Variants in CNOT6 observed in about 807,000 individuals in gnomAD.
The protein encoded by CNOT6 is carbon catabolite repression 4 protein.
In CNOT6, 12 loss-of-function variants were observed where a neutral mutation model predicts 61.2. The ratio of observed to expected loss-of-function variants is 0.20; its 90% CI spans 0.13 to 0.32. The LOEUF (loss-of-function observed/expected upper bound fraction) is 0.32, where lower values mean the gene tolerates loss of function less well. Among genes scored for constraint, CNOT6 ranks in the 10% least tolerant of loss-of-function variants. CNOT6 has a pLI of 1.00. For synonymous variants in CNOT6, 225 were observed against 240.6 expected (o/e 0.94, Z 0.60); for missense variants, 405 against 663.9 (o/e 0.61, Z 4.28).
At position 180,533,311 on chromosome 5, in the gene CNOT6, C is replaced by CATATATATATATATATAT. The variant is rs1305701783; in HGVS notation, c.112+3923_112+3924insATATATATATATATATAT. On this transcript the variant is annotated intron_variant, in intron 2 of 11. Coordinates refer to ENST00000261951, the MANE Select transcript of CNOT6 (RefSeq NM_001370472.1). ...AGGAACCAGGAACCATGGATGAAAA[C>CATATATATATATATATAT]CTATATATATATATATATATATATA... is the stretch of plus-strand genomic sequence containing the variant. Among the ~76,000 whole-genome samples the CATATATATATATATATAT allele has an allele frequency of 1.2e-3, 75 of 65,172 alleles. 2 individuals are homozygous for CATATATATATATATATAT. Among genetic ancestry groups the CATATATATATATATATAT allele is most frequent in the Non-Finnish European group, 1.8e-3 (55 of 30,058 alleles). 42.8% of individuals were successfully genotyped at this position (65,172 alleles called of 152,430 possible).
intron 1 of CNOT6, among the ~76,000 whole-genome samples, chr5:180,517,822 G>A (rs1206262133): frequency 1.3e-5 from 2 of 152,218 alleles, no homozygotes; most frequent in African/African-American, 4.8e-5. Flanking sequence ...GATTACAGGC[G>A]TGAGCTACTG....
intron 2 of CNOT6, among the ~76,000 whole-genome samples, chr5:180,537,499 GT>G (rs893532800): frequency 3.4e-5 from 5 of 149,140 alleles, no homozygotes; most frequent in Admixed American, 6.7e-5. Context: ...AGTTTTAAGA[GT>G]TTTTTTTTTA....
At chr5:180,520,815 A>C (rs916308724) in intron 1 of CNOT6, among the ~76,000 whole-genome samples, 4 of 151,664 alleles carry the variant, frequency 2.6e-5, no homozygotes, top group Non-Finnish European at 4.4e-5. Flanking sequence ...TGTGTTTAAC[A>C]TTCCATCTTT....
chr5:180,536,291 G>A (rs1410867684), intron 2 of CNOT6, among the ~76,000 whole-genome samples: 1 of 152,010 alleles, frequency 6.6e-6, no homozygotes, highest in African/African-American at 2.4e-5. Context: ...GAGCCACCGT[G>A]CCTGGCCTAG....
At chr5:180,525,357 C>T (rs531463835) in intron 1 of CNOT6, among the ~76,000 whole-genome samples, 3 of 151,766 alleles carry the variant, frequency 2.0e-5, no homozygotes, top group Admixed American at 1.3e-4. Flanking sequence ...GGCAACATGG[C>T]GAAAACCAAT....
chr5:180,530,977 A>G (rs566595362), intron 2 of CNOT6, among the ~76,000 whole-genome samples: 2 of 152,354 alleles, frequency 1.3e-5, no homozygotes, highest in Non-Finnish European at 2.9e-5. Flanking sequence ...TTCTACACAG[A>G]CACAGTAACA....
intron 1 of CNOT6, among the ~76,000 whole-genome samples, chr5:180,528,031 G>A (rs918977852): frequency 1.3e-5 from 2 of 152,030 alleles, no homozygotes; most frequent in Non-Finnish European, 2.9e-5. Flanking sequence ...GTGGAAAATT[G>A]TCTTCCACGA....
chr5:180,552,611 A>G (rs146220320), intron 3 of CNOT6, among the ~76,000 whole-genome samples: 1 of 150,428 alleles, frequency 6.6e-6, no homozygotes, highest in East Asian at 2.0e-4. Flanking sequence ...GCATCACTGC[A>G]CTCCAGCCTG....
intron 2 of CNOT6, among the ~76,000 whole-genome samples, chr5:180,539,658 C>T (rs1393848674): frequency 3.2e-5 from 4 of 123,838 alleles, no homozygotes; most frequent in Admixed American, 9.6e-5. Flanking sequence ...GGTGTGATCT[C>T]GGCTTACTGC....
At chr5:180,517,833 C>T (rs757989968) in intron 1 of CNOT6, among the ~76,000 whole-genome samples, 2 of 152,210 alleles carry the variant, frequency 1.3e-5, no homozygotes, top group South Asian at 2.1e-4. Context: ...TGAGCTACTG[C>T]GCCTGGCCGA....
intron 2 of CNOT6, 66 bp downstream of exon 2, chr5:180,529,454 A>G (rs1758250753): frequency 1.2e-6 from 1 of 835,358 alleles, no homozygotes. Context: ...GAGTTTTCTA[A>G]TGCCAATACA....
chr5:180,495,334 T>G (rs975981584), intron 1 of CNOT6: 1 of 152,266 alleles, frequency 6.6e-6, no homozygotes, highest in Non-Finnish European at 1.5e-5. Context: ...TATTTTATAG[T>G]ATTGCGAAGG....
At chr5:180,560,602 C>G (rs1423911634) in intron 4 of CNOT6, among the ~76,000 whole-genome samples, 2 of 152,110 alleles carry the variant, frequency 1.3e-5, no homozygotes, top group Non-Finnish European at 2.9e-5. Context: ...ATTTGTTTTT[C>G]TCCTGCAGGT....
chr5:180,574,588 A>G lies in CNOT6; in HGVS notation c.*388A>G. 1 of 229,304 alleles carries G rather than the reference A, an allele frequency of 4.4e-6. No homozygotes were observed. 14.2% of individuals were successfully genotyped at this position (229,304 alleles called of 1,614,324 possible). Reference sequence around the variant, plus strand: ...AGCAACATCCAGAGATCATTCTTCCATACTTTACTCCCTCCTTTTTCAGAC... The same window carrying G: ...AGCAACATCCAGAGATCATTCTTCCGTACTTTACTCCCTCCTTTTTCAGAC... On this transcript the variant is annotated 3_prime_UTR_variant, in exon 12 of 12. Coordinates refer to ENST00000261951, the MANE Select transcript of CNOT6 (RefSeq NM_001370472.1).
chr5:180,570,845 CA>C (rs1326904624), intron 10 of CNOT6, among the ~76,000 whole-genome samples: 2 of 152,076 alleles, frequency 1.3e-5, no homozygotes, highest in Non-Finnish European at 2.9e-5. Context: ...GATTTTATAC[CA>C]AGTAAATAAT....
chr5:180,562,145 A>G (rs1317295520), intron 4 of CNOT6, among the ~76,000 whole-genome samples: 4 of 152,186 alleles, frequency 2.6e-5, no homozygotes, highest in African/African-American at 9.6e-5. Flanking sequence ...AAGTGAACCC[A>G]GGGAACTCAT....
At chr5:180,547,793 G>A (rs1759389341) in intron 2 of CNOT6, among the ~76,000 whole-genome samples, 2 of 152,092 alleles carry the variant, frequency 1.3e-5, no homozygotes, top group Admixed American at 1.3e-4. Context: ...GAGTGCAGTG[G>A]CACCAGCTCA....
intron 3 of CNOT6, among the ~76,000 whole-genome samples, chr5:180,552,014 G>A (rs766449568): frequency 2.4e-4 from 37 of 151,660 alleles, no homozygotes; most frequent in Non-Finnish European, 5.2e-4. Context: ...GATTACAAGC[G>A]TGTGCCACCA....
chr5:180,523,827 G>A (rs926948617), intron 1 of CNOT6, among the ~76,000 whole-genome samples: 18 of 151,912 alleles, frequency 1.2e-4, no homozygotes, highest in Non-Finnish European at 7.4e-5. Context: ...TATGGTATAC[G>A]TGCAGGCCGC....
Sources: allele counts gnomAD v4.1 joint callset (sites outside exome capture counted in the v4.1 genomes callset), GRCh38; gene constraint gnomAD v4.1.1; transcripts MANE v1.5; gene names NCBI Gene and HGNC (gene_info 2026-07-23, HGNC 2026-07-21).